The following NUTM2E variants were observed in gnomAD, a reference collection of about 807,000 sequenced individuals.
NUTM2E encodes the protein family with sequence similarity 22, member E.
NUTM2E carries 3 observed loss-of-function variants against 26.1 expected under a neutral mutation model. The observed-to-expected ratio is 0.12, with a 90% CI of 0.05 to 0.30. The LOEUF is 0.30. Ranked by LOEUF, NUTM2E falls within the 10% of genes least tolerant of loss-of-function variation. The probability of loss-of-function intolerance (pLI) is 1.00; values close to 1 mark genes in which losing one functional copy is unlikely to be tolerated. For synonymous variants in NUTM2E, 13 were observed against 157.5 expected (o/e 0.08, Z 6.87); for missense variants, 62 against 381.3 (o/e 0.16, Z 6.97).
chr10:79,829,989 G>C (rs1410744442), intron 1 of NUTM2E, among the ~76,000 whole-genome samples: 1 of 151,422 alleles, frequency 6.6e-6, no homozygotes, highest in African/African-American at 2.4e-5. Context: ...TTCAGAATGA[G>C]CTTATCCAAA....
At chr10:79,836,025 A>T (rs2132416008) in intron 1 of NUTM2E, among the ~76,000 whole-genome samples, 1 of 151,736 alleles carries the variant, frequency 6.6e-6, no homozygotes, top group Non-Finnish European at 1.5e-5. Context: ...TCATAAGAGG[A>T]TTCTTCTCTC....
chr10:79,830,409 C>T lies in NUTM2E; in HGVS notation c.-2728+3052C>T, dbSNP rs564550540. Among the ~76,000 whole-genome samples, 7 of 151,558 alleles carry T rather than the reference C, an allele frequency of 4.6e-5. No homozygotes were observed. In the East Asian group the frequency reaches 1.4e-3, roughly 29 times the overall value. ...ATATCTTCAATGTTACTTAAAGAAA[C>T]AGAATTAACAAAGATGTATCATGGA... On this transcript the variant is annotated intron_variant, in intron 1 of 9. Transcript: ENST00000429984.
chr10:79,828,051 TC>T (rs1201293624), intron 1 of NUTM2E, among the ~76,000 whole-genome samples: 4 of 151,578 alleles, frequency 2.6e-5, no homozygotes, highest in Non-Finnish European at 5.9e-5. Context: ...CACCTCGGCC[TC>T]CCAAAGTGCT....
At chr10:79,834,363 T>C (rs1841947288) in intron 1 of NUTM2E, among the ~76,000 whole-genome samples, 1 of 151,522 alleles carries the variant, frequency 6.6e-6, no homozygotes, top group Non-Finnish European at 1.5e-5. Context: ...AAGAAAGAAA[T>C]GTTTTCATTA....
Position 79,834,245 on chromosome 10 carries a change from A to C in NUTM2E, c.-2727-4064A>C, listed in dbSNP as rs370075441. Among the ~76,000 whole-genome samples the C allele has an allele frequency of 3.5e-3, 527 of 151,796 alleles. 8 individuals carry two copies. Among genetic ancestry groups the C allele is most frequent in the East Asian group, 0.031 (162 of 5,146 alleles). ...CAAGGGGAGGGATAGCATTAAGAGA[A>C]ATACGTAATGCAGATGACAGGTTGA... On this transcript the variant is annotated intron_variant, in intron 1 of 9. Coordinates refer to ENST00000429984, the MANE Select transcript of NUTM2E (RefSeq NM_001355263.2).
intron 1 of NUTM2E, among the ~76,000 whole-genome samples, chr10:79,829,709 A>T (rs1376389486): frequency 6.6e-6 from 1 of 151,838 alleles, no homozygotes; most frequent in African/African-American, 2.4e-5. Context: ...AATGTCAAAT[A>T]ACAGGCAAAA....
At chr10:79,834,739 C>G (rs1312587834) in intron 1 of NUTM2E, among the ~76,000 whole-genome samples, 1 of 148,096 alleles carries the variant, frequency 6.8e-6, no homozygotes, top group Non-Finnish European at 1.5e-5. Context: ...TGTAACCAGC[C>G]TAAATTAAAA....
At position 79,849,810 on chromosome 10, in the gene NUTM2E, TC is replaced by T; in HGVS notation, c.1852-9del. On this transcript the variant is annotated splice_polypyrimidine_tract_variant and intron_variant, in intron 9 of 9. Transcript: ENST00000429984. ...GGGCAGTGCCAGTAAGTGCCCCCTTTCCTCCCGCAGCTAGTGGAGAAGCGCC... is the reference window on the plus strand; with the variant it reads ...GGGCAGTGCCAGTAAGTGCCCCCTTTCTCCCGCAGCTAGTGGAGAAGCGCC... 1.4e-6 allele frequency: 1 copy of T among 738,028 alleles called. No individual in the cohort carries two copies. The highest frequency in any genetic ancestry group is 2.1e-6 in the Non-Finnish European group (1 of 479,388). The allele number at this position is 738,028 out of a possible 1,614,324, so 45.7% of individuals were successfully genotyped here.
Position 79,840,741 on chromosome 10 carries a change from A to G in NUTM2E, c.-1000A>G, listed in dbSNP as rs548392965. On this transcript the variant is annotated 5_prime_UTR_variant, in exon 4 of 10. It removes the in-frame stop codon of an upstream open reading frame in the 5' UTR. Transcript: ENST00000429984. Reference sequence around the variant, plus strand: ...AGTGCCGACAGGGTGTGTTTCAGTGAATGTTTGCAGTGTGCACCGGTCTGG... The same window carrying G: ...AGTGCCGACAGGGTGTGTTTCAGTGGATGTTTGCAGTGTGCACCGGTCTGG... 0.028 allele frequency among the ~76,000 whole-genome samples: 4,142 copies of G among 149,372 alleles called. 119 individuals are homozygous for G. The highest frequency in any genetic ancestry group is 0.041 in the Non-Finnish European group (2,783 of 67,306).
intron 1 of NUTM2E, among the ~76,000 whole-genome samples, chr10:79,832,063 A>G (rs150497713): frequency 0.042 from 5,669 of 135,146 alleles, no homozygotes; most frequent in African/African-American, 0.048. Flanking sequence ...TTCCTATAAG[A>G]GTATTAATCT....
At chr10:79,838,630 C>A (rs1455514007) in intron 2 of NUTM2E, among the ~76,000 whole-genome samples, 44 bp downstream of exon 2, 1 of 150,748 alleles carries the variant, frequency 6.6e-6, no homozygotes, top group Non-Finnish European at 1.5e-5. Flanking sequence ...CCGCAGGGCC[C>A]CCACTAGGAA....
intron 5 of NUTM2E, among the ~76,000 whole-genome samples, chr10:79,845,414 C>A (rs1258048789): frequency 8.9e-6 from 1 of 112,396 alleles, no homozygotes; most frequent in Non-Finnish European, 2.3e-5. Flanking sequence ...TGCATCTTCA[C>A]CCTCAATCCC....
intron 1 of NUTM2E, among the ~76,000 whole-genome samples, chr10:79,832,011 C>G (rs1194680035): frequency 1.5e-5 from 2 of 133,326 alleles, no homozygotes; most frequent in Non-Finnish European, 1.7e-5. Context: ...ACTGACATGG[C>G]AGAGACTGAG....
intron 1 of NUTM2E, among the ~76,000 whole-genome samples, chr10:79,836,440 C>T (rs2132416285): frequency 6.6e-6 from 1 of 151,778 alleles, no homozygotes; most frequent in East Asian, 1.9e-4. Flanking sequence ...TTTAAATTTA[C>T]TTTATCTCTT....
At chr10:79,829,839 C>T (rs1383732899) in intron 1 of NUTM2E, among the ~76,000 whole-genome samples, 2 of 151,510 alleles carry the variant, frequency 1.3e-5, no homozygotes, top group Non-Finnish European at 2.9e-5. Flanking sequence ...ATCTAGGGAG[C>T]TGATGTAAAG....
rs1411849628 is a variant in NUTM2E, at chr10:79,837,177, GA to G, written c.-2727-1127del. ...TAGAAACCAAAGCAAGTATAAATCA[GA>G]AAAATAATCCTCAGTATGTTACATT... On this transcript the variant is annotated intron_variant, in intron 1 of 9. Coordinates refer to ENST00000429984, the MANE Select transcript of NUTM2E (RefSeq NM_001355263.2). 2.0e-5 allele frequency among the ~76,000 whole-genome samples: 3 copies of G among 151,956 alleles called. No individual in the cohort carries two copies. The East Asian group carries it at 5.8e-4, about 29-fold the overall frequency.
chr10:79,840,752 T>G lies in NUTM2E; in HGVS notation c.-989T>G, dbSNP rs967450894. ...GGTGTGTTTCAGTGAATGTTTGCAG[T>G]GTGCACCGGTCTGGCTGAAGGCCTC... is the stretch of plus-strand genomic sequence containing the variant. On this transcript the variant is annotated 5_prime_UTR_variant, in exon 4 of 10. Transcript: ENST00000429984. Among the ~76,000 whole-genome samples, 1 of 146,998 alleles carries G rather than the reference T, an allele frequency of 6.8e-6. No homozygotes were observed. Among genetic ancestry groups the G allele is most frequent in the African/African-American group, 2.5e-5 (1 of 39,702 alleles).
At chr10:79,837,920 G>A (rs1039997822) in intron 1 of NUTM2E, among the ~76,000 whole-genome samples, 11 of 151,666 alleles carry the variant, frequency 7.3e-5, no homozygotes, top group Non-Finnish European at 1.6e-4. Context: ...GGCAATTACA[G>A]TGTAGGATAG....
chr10:79,827,998 G>T (rs1292218016), intron 1 of NUTM2E, among the ~76,000 whole-genome samples: 1 of 151,252 alleles, frequency 6.6e-6, no homozygotes, highest in East Asian at 1.9e-4. Flanking sequence ...TTTCTCCATG[G>T]TGGTCAGGCT....
Sources: allele counts gnomAD v4.1 joint callset (sites outside exome capture counted in the v4.1 genomes callset), GRCh38; gene constraint gnomAD v4.1.1; transcripts MANE v1.5; gene names NCBI Gene and HGNC (gene_info 2026-07-23, HGNC 2026-07-21).